The following ANKFY1 variants were observed in gnomAD, a reference collection of about 807,000 sequenced individuals.
ANKFY1 encodes ankyrin repeat and FYVE domain containing 1.
A neutral mutation model predicts 128.3 loss-of-function variants in ANKFY1; 47 were observed. The ratio of observed to expected loss-of-function variants is 0.37; its 90% CI spans 0.29 to 0.47. The LOEUF (loss-of-function observed/expected upper bound fraction) is 0.47, where lower values mean the gene tolerates loss of function less well. ANKFY1 is among the 20% of genes least tolerant of loss of function. ANKFY1 has a pLI of 1.00. For missense variants in ANKFY1, 1,222 were observed against 1,510.6 expected (o/e 0.81, Z 3.17); for synonymous variants, 553 against 601.6 (o/e 0.92, Z 1.18).
intron 1 of ANKFY1, among the ~76,000 whole-genome samples, chr17:4,255,299 T>C (rs1968060316): frequency 6.9e-6 from 1 of 144,878 alleles, no homozygotes; most frequent in Admixed American, 7.3e-5. Context: ...CAGACTGGAG[T>C]GCAATGGTGT....
chr17:4,174,125 G>A (rs2143001033), intron 19 of ANKFY1, 69 bp from the exon 20 acceptor site: 1 of 1,553,280 alleles, frequency 6.4e-7, no homozygotes, highest in Non-Finnish European at 8.8e-7. Flanking sequence ...TGGGGGCCGA[G>A]CCTGCTTGTC....
chr17:4,169,347 A>G lies in ANKFY1; in HGVS notation c.3287-59T>C. 2.3e-6 allele frequency: 3 copies of G among 1,310,038 alleles called. No homozygotes were observed. Among genetic ancestry groups the G allele is most frequent in the Non-Finnish European group, 3.2e-6 (3 of 933,158 alleles). The allele number at this position is 1,310,038 out of a possible 1,614,324, so 81.2% of individuals were successfully genotyped here. A position where few individuals can be genotyped will look rare whatever the true frequency, so the allele number is the denominator to read the frequency against. On this transcript the variant is annotated intron_variant, in intron 23 of 24. Coordinates refer to ENST00000341657, the MANE Select transcript of ANKFY1 (RefSeq NM_001330063.2). The surrounding 1 kb of genome is among the most constrained non-coding windows in gnomAD (Gnocchi z 5.0). ...ACCGCGACGGCGCCACGCAAGCCCCAGGGCTTGGAGGCAGCAGGAACACAG... is the reference window on the plus strand; with the variant it reads ...ACCGCGACGGCGCCACGCAAGCCCCGGGGCTTGGAGGCAGCAGGAACACAG...
intron 7 of ANKFY1, among the ~76,000 whole-genome samples, chr17:4,199,159 C>T (rs2059882131): frequency 6.6e-6 from 1 of 152,184 alleles, no homozygotes. Flanking sequence ...GATCCTGACT[C>T]AACAAAGGCT....
chr17:4,195,581 A>G (rs959113129), intron 8 of ANKFY1, 110 bp from the exon 9 acceptor site: 9 of 801,710 alleles, frequency 1.1e-5, no homozygotes, highest in Non-Finnish European at 1.9e-5. Flanking sequence ...AAGAAATCCC[A>G]CATTTCTACA....
At chr17:4,184,731 C>T (rs1238144765) in intron 12 of ANKFY1, 87 bp downstream of exon 12, 1 of 1,442,218 alleles carries the variant, frequency 6.9e-7, no homozygotes, top group Non-Finnish European at 9.6e-7. Context: ...TGAAACTCAC[C>T]AACAGAAAAA....
At chr17:4,209,705 A>G in intron 5 of ANKFY1, 119 bp downstream of exon 5, 1 of 1,146,104 alleles carries the variant, frequency 8.7e-7, no homozygotes, top group Non-Finnish European at 1.2e-6. Context: ...TTATTCTTCA[A>G]TTGTGTAACA....
At chr17:4,256,574 G>T (rs1339483082) in intron 1 of ANKFY1, among the ~76,000 whole-genome samples, 2 of 152,140 alleles carry the variant, frequency 1.3e-5, no homozygotes, top group East Asian at 1.9e-4. Context: ...GCAGATCTTG[G>T]GGGGAGTCGG....
intron 2 of ANKFY1, among the ~76,000 whole-genome samples, chr17:4,240,347 A>G (rs1179290781): frequency 6.6e-6 from 1 of 150,580 alleles, no homozygotes; most frequent in Non-Finnish European, 1.5e-5. Flanking sequence ...TTACAGGCGT[A>G]AGCCACCATG....
chr17:4,205,699 AC>A (rs2060010559), intron 7 of ANKFY1, among the ~76,000 whole-genome samples: 1 of 151,124 alleles, frequency 6.6e-6, no homozygotes, highest in Non-Finnish European at 1.5e-5. Flanking sequence ...CCAAGATCGC[AC>A]CACTGCACTC....
At chr17:4,191,047 A>G (rs901520339) in intron 10 of ANKFY1, 2 of 152,292 alleles carry the variant, frequency 1.3e-5, no homozygotes, top group African/African-American at 2.4e-5. Context: ...CTGAGGCAGG[A>G]GAATCACTTG....
Position 4,178,886 on chromosome 17 carries a change from G to C in ANKFY1, c.2569C>G (p.Leu857Val). 1 of 1,614,236 alleles carries C rather than the reference G, an allele frequency of 6.2e-7. No homozygotes were observed. Among genetic ancestry groups the C allele is most frequent in the Non-Finnish European group, 8.5e-7 (1 of 1,180,042 alleles). ...TCAGCAGCCCCGGACTCTCGTTTGAGAATGGCCTCGGCTGACTTGTTGTTC... is the reference window on the plus strand; with the variant it reads ...TCAGCAGCCCCGGACTCTCGTTTGACAATGGCCTCGGCTGACTTGTTGTTC... Reference protein sequence around the residue: ...FKNNKSAEAILKRESGAAEQV... With the variant: ...FKNNKSAEAIVKRESGAAEQV... Residue 857 changes from leucine to valine, a missense_variant, in exon 18 of 25, where the codon CTC (leucine) becomes GTC (valine). Transcript: ENST00000341657. The surrounding 1 kb of genome is among the most constrained non-coding windows in gnomAD (Gnocchi z 4.1).
At chr17:4,183,617 C>T (rs1033860979) in intron 13 of ANKFY1, 66 bp from the exon 14 acceptor site, 32 of 1,581,572 alleles carry the variant, frequency 2.0e-5, no homozygotes, top group Admixed American at 1.0e-4. Context: ...CTTACTACAA[C>T]AGCCAGACCC....
At position 4,173,371 on chromosome 17, in the gene ANKFY1, G is replaced by C. The variant is rs539856863; in HGVS notation, c.2997C>G (p.Ala999=). The C allele has an allele frequency of 5.8e-5, 93 of 1,614,142 alleles. 1 individual carries two copies. The East Asian group carries it at 2.0e-3, about 35-fold the overall frequency. The part of the protein sequence containing the change: ...RVLLTECTVD[A]EAFNLRGQSP... The stretch of plus-strand genomic sequence containing the variant: ...GCGCTCACCTGAGATTAAAGGCTTC[G>C]GCGTCCACTGTGCACTCTGTCAGGA... Residue 999 remains alanine (A), a synonymous_variant, in exon 21 of 25, where the codon GCC becomes GCG. Coordinates refer to ENST00000341657, the MANE Select transcript of ANKFY1 (RefSeq NM_001330063.2).
chr17:4,241,168 A>G (rs1967190915), intron 2 of ANKFY1, among the ~76,000 whole-genome samples: 1 of 152,116 alleles, frequency 6.6e-6, no homozygotes, highest in African/African-American at 2.4e-5. Context: ...CCCAAAGGTA[A>G]GTAGCAGCAG....
Position 4,178,726 on chromosome 17 carries a change from T to C in ANKFY1, c.2598+131A>G, listed in dbSNP as rs1448714378. On this transcript the variant is annotated intron_variant, in intron 18 of 24. Coordinates refer to ENST00000341657, the MANE Select transcript of ANKFY1 (RefSeq NM_001330063.2). This position sits in a 1 kb window ranked among gnomAD's most constrained non-coding sequence, Gnocchi z 4.1. ...ATGGGACATCTCAACAGCCACATCT[T>C]AGGACAGGAGTACAACTTCAAAACA... 9.0e-6 allele frequency: 8 copies of C among 889,770 alleles called. No individual in the cohort carries two copies. Among genetic ancestry groups the C allele is most frequent in the East Asian group, 2.7e-5 (1 of 37,604 alleles). The allele number at this position is 889,770 out of a possible 1,614,324, so 55.1% of individuals were successfully genotyped here.
At chr17:4,192,448 T>A (rs934466330) in intron 10 of ANKFY1, among the ~76,000 whole-genome samples, 26 of 150,968 alleles carry the variant, frequency 1.7e-4, no homozygotes, top group African/African-American at 6.1e-4. Flanking sequence ...TAGTTGATGG[T>A]TGCTCTAATC....
intron 4 of ANKFY1, 88 bp from the exon 5 acceptor site, chr17:4,210,035 G>C: frequency 7.6e-7 from 1 of 1,316,714 alleles, no homozygotes; most frequent in Admixed American, 2.0e-5. Flanking sequence ...GTACTGGCTG[G>C]CTATGTCCTA....
intron 1 of ANKFY1, among the ~76,000 whole-genome samples, chr17:4,262,060 T>C (rs1404727540): frequency 3.3e-5 from 5 of 152,198 alleles, no homozygotes; most frequent in Admixed American, 1.3e-4. Flanking sequence ...GCGCGATGGC[T>C]CATACCTGCA....
intron 10 of ANKFY1, among the ~76,000 whole-genome samples, chr17:4,194,004 G>A (rs1005678797): frequency 2.5e-4 from 37 of 148,498 alleles, no homozygotes; most frequent in Non-Finnish European, 2.5e-4. Context: ...GTGATCCACC[G>A]GCCTCAGCCT....
Sources: gnomAD v4.1 joint callset for allele counts (sites outside exome capture counted in the v4.1 genomes callset) on GRCh38, gnomAD v4.1.1 for gene constraint, Gnocchi (gnomAD v3.1) non-coding constraint, MANE v1.5 for transcripts, NCBI Gene and HGNC (gene_info 2026-07-23, HGNC 2026-07-21) for gene names.